PKIB: variants seen among roughly 807,000 people sequenced by gnomAD.
The protein encoded by PKIB is cAMP-dependent protein kinase inhibitor beta.
A neutral mutation model predicts 4.5 loss-of-function variants in PKIB; 2 were observed. That is an observed-to-expected ratio of 0.44 (90% CI 0.18 to 1.39). The LOEUF is 1.39. Ranked by LOEUF, PKIB falls within the 40% of genes most tolerant of loss-of-function variation. The pLI is 0.27. For missense variants in PKIB, 94 were observed against 92.6 expected (o/e 1.02, Z -0.06); for synonymous variants, 38 against 36.0 (o/e 1.06, Z -0.20).
At chr6:122,478,487 G>A (rs2114511585) in intron 2 of PKIB, 1 of 152,318 alleles carries the variant, frequency 6.6e-6, no homozygotes, top group South Asian at 2.1e-4. Flanking sequence ...TAGATGCCAT[G>A]GGAGGGTACT....
At chr6:122,598,589 C>A (rs1774248621) in intron 3 of PKIB, among the ~76,000 whole-genome samples, 1 of 152,148 alleles carries the variant, frequency 6.6e-6, no homozygotes, top group South Asian at 2.1e-4. Context: ...ATTTATTTTG[C>A]AAGAGATTGG....
At chr6:122,584,738 CTGTT>C (rs1317831180) in intron 2 of PKIB, among the ~76,000 whole-genome samples, 15 of 152,164 alleles carry the variant, frequency 9.9e-5, no homozygotes, top group African/African-American at 3.6e-4. Flanking sequence ...TATGAATTGT[CTGTT>C]TAATTTACTG....
chr6:122,553,476 A>ATTTTTTTTTTTTTTT (rs1772742025), intron 2 of PKIB, among the ~76,000 whole-genome samples: 1 of 33,742 alleles, frequency 3.0e-5, no homozygotes, highest in Non-Finnish European at 5.8e-5. Flanking sequence ...TTGCTCAAAT[A>ATTTTTTTTTTTTTTT]TCTTCTTTTT....
chr6:122,578,320 A>G (rs1157236187), intron 2 of PKIB, among the ~76,000 whole-genome samples: 3 of 152,156 alleles, frequency 2.0e-5, no homozygotes, highest in African/African-American at 7.2e-5. Context: ...CAAAAAGGTG[A>G]CATAGTTGTT....
chr6:122,577,404 T>C (rs567630939), intron 2 of PKIB, among the ~76,000 whole-genome samples: 2 of 152,294 alleles, frequency 1.3e-5, no homozygotes, highest in African/African-American at 2.4e-5. Flanking sequence ...TAGAAGTTTA[T>C]AGTAATTCAT....
intron 3 of PKIB, among the ~76,000 whole-genome samples, chr6:122,684,868 A>G (rs545224528): frequency 6.6e-6 from 1 of 152,108 alleles, no homozygotes; most frequent in Non-Finnish European, 1.5e-5. Flanking sequence ...CAATTCTCTT[A>G]AGTTGTAAAA....
chr6:122,576,218 G>T lies in PKIB; in HGVS notation c.-247-9703G>T, dbSNP rs187951196. On this transcript the variant is annotated intron_variant, in intron 2 of 6. Transcript: ENST00000392491. ...GCCTTACACTTAAAATATATATTTT[G>T]GCTGGGCGTGGTGGCTCAAGCCTGT... Among the ~76,000 whole-genome samples, 390 of 152,216 alleles carry T rather than the reference G, an allele frequency of 2.6e-3. 4 individuals carry two copies. The Middle Eastern group carries it at 0.071, about 28-fold the overall frequency.
At chr6:122,704,833 T>C (rs1327971587) in intron 3 of PKIB, among the ~76,000 whole-genome samples, 2 of 151,968 alleles carry the variant, frequency 1.3e-5, no homozygotes, top group African/African-American at 2.4e-5. Context: ...CCCAGTACTT[T>C]TGGAGGCCAA....
intron 2 of PKIB, among the ~76,000 whole-genome samples, chr6:122,544,034 A>G (rs1772404191): frequency 6.6e-6 from 1 of 152,024 alleles, no homozygotes; most frequent in African/African-American, 2.4e-5. Flanking sequence ...TTCATTGAGA[A>G]CTAACTCTAT....
chr6:122,656,593 G>C (rs1260233162), intron 2 of PKIB, among the ~76,000 whole-genome samples: 1 of 152,182 alleles, frequency 6.6e-6, no homozygotes, highest in Non-Finnish European at 1.5e-5. Flanking sequence ...CAGTGAGGCA[G>C]GGCCATGGAG....
At chr6:122,612,276 G>A (rs1774791178) in intron 1 of PKIB, among the ~76,000 whole-genome samples, 1 of 151,946 alleles carries the variant, frequency 6.6e-6, no homozygotes, top group Non-Finnish European at 1.5e-5. Context: ...CCCTTTAAGG[G>A]TGAATAATAT....
chr6:122,487,881 A>G (rs1305849669), intron 2 of PKIB, among the ~76,000 whole-genome samples: 1 of 152,202 alleles, frequency 6.6e-6, no homozygotes. Flanking sequence ...TTCTCATTGT[A>G]TTAATACTGC....
chr6:122,602,899 C>G (rs1444605238), intron 3 of PKIB, among the ~76,000 whole-genome samples: 2 of 143,380 alleles, frequency 1.4e-5, no homozygotes, highest in African/African-American at 5.1e-5. Context: ...GAAGTTGCAG[C>G]GAGCCGAGAT....
rs1390776511 is a variant in PKIB, at chr6:122,725,502, A to G, written c.*307A>G. On this transcript the variant is annotated 3_prime_UTR_variant, in exon 5 of 5. Coordinates refer to ENST00000368452, the MANE Select transcript of PKIB (RefSeq NM_181795.3). ...AAATTCACTGTTCTCTTTTGGATTT[A>G]TTTAGCCTGATGTATTTTTAATTCA... 2 of 236,964 alleles carry G rather than the reference A, an allele frequency of 8.4e-6. No individual in the cohort carries two copies. The highest frequency in any genetic ancestry group is 1.6e-5 in the Non-Finnish European group (2 of 123,102). 14.7% of individuals were successfully genotyped at this position (236,964 alleles called of 1,614,324 possible). A position where few individuals can be genotyped will look rare whatever the true frequency, so the allele number is the denominator to read the frequency against.
At position 122,511,477 on chromosome 6, in the gene PKIB, C is replaced by T. The variant is rs143365404; in HGVS notation, c.-248+33538C>T. On this transcript the variant is annotated intron_variant, in intron 2 of 6. Coordinates refer to the PKIB transcript ENST00000392491. Reference sequence around the variant, plus strand: ...TTGTCCTCAGGAGTCCTTTGTCCATCGGTCCTCCATTTCACACACTTGAGC... The same window carrying T: ...TTGTCCTCAGGAGTCCTTTGTCCATTGGTCCTCCATTTCACACACTTGAGC... 8.4e-3 allele frequency among the ~76,000 whole-genome samples: 1,285 copies of T among 152,266 alleles called. 21 individuals are homozygous for T. Among genetic ancestry groups the T allele is most frequent in the African/African-American group, 0.028 (1,173 of 41,534 alleles).
intron 1 of PKIB, among the ~76,000 whole-genome samples, chr6:122,625,004 T>A (rs1460333816): frequency 3.9e-5 from 6 of 152,178 alleles, no homozygotes; most frequent in Admixed American, 3.9e-4. Flanking sequence ...ACAGTGGAAT[T>A]AATGGGTTAA....
intron 2 of PKIB, among the ~76,000 whole-genome samples, chr6:122,577,681 G>A (rs770386789): frequency 2.0e-5 from 3 of 151,986 alleles, no homozygotes; most frequent in African/African-American, 4.8e-5. Context: ...AGGCCAAGGC[G>A]GGCAGATCAC....
intron 3 of PKIB, among the ~76,000 whole-genome samples, chr6:122,710,601 G>A (rs1280961180): frequency 2.6e-5 from 4 of 152,136 alleles, no homozygotes; most frequent in Non-Finnish European, 5.9e-5. Flanking sequence ...TCCATTAAAT[G>A]CTGTGTTCCC....
At chr6:122,671,292 A>G (rs1777454655) in intron 2 of PKIB, among the ~76,000 whole-genome samples, 1 of 76,828 alleles carries the variant, frequency 1.3e-5, no homozygotes, top group Non-Finnish European at 3.5e-5. Flanking sequence ...CTCTGTCTCA[A>G]AAAAAAAAAA....
Sources: gnomAD v4.1 joint callset for allele counts (sites outside exome capture counted in the v4.1 genomes callset) on GRCh38, gnomAD v4.1.1 for gene constraint, MANE v1.5 for transcripts, NCBI Gene and HGNC (gene_info 2026-07-23, HGNC 2026-07-21) for gene names.